The following RNF17 variants were observed in gnomAD, a reference collection of about 807,000 sequenced individuals.
RNF17 encodes the protein spermatogenesis associated 23.
Under a neutral mutation model 200.5 loss-of-function variants are expected in RNF17, and 31 were observed. The ratio of observed to expected loss-of-function variants is 0.15; its 90% CI spans 0.12 to 0.21. The LOEUF (loss-of-function observed/expected upper bound fraction) is 0.21, where lower values mean the gene tolerates loss of function less well. Among genes scored for constraint, RNF17 ranks in the 10% least tolerant of loss-of-function variants. The pLI is 1.00. For synonymous variants in RNF17, 606 were observed against 637.8 expected (o/e 0.95, Z 0.75); for missense variants, 1,628 against 1,905.1 (o/e 0.85, Z 2.71).
intron 16 of RNF17, 119 bp downstream of exon 16, chr13:24,825,891 A>C (rs775184920): frequency 7.1e-7 from 1 of 1,409,128 alleles, no homozygotes; most frequent in African/African-American, 1.4e-5. Flanking sequence ...TTGCTCTGCC[A>C]TCTGTCTTTA....
At chr13:24,759,579 T>C (rs767415693), upstream of RNF17, among the ~76,000 whole-genome samples, 2 of 152,232 alleles carry the variant, frequency 1.3e-5, no homozygotes, top group Admixed American at 6.5e-5. Context: ...TTGTCATCTC[T>C]AGAAATTTAA....
In RNF17 at chr13:24,799,453, A is replaced by G; in HGVS notation, c.1458A>G (p.Thr486=). 6.2e-7 allele frequency: 1 copy of G among 1,610,668 alleles called. No homozygotes were observed. The highest frequency in any genetic ancestry group is 8.5e-7 in the Non-Finnish European group (1 of 1,177,576). ...GAATGTGGTGTCGAGGAACTATCAC[A>G]GAATTAATTCCAATAGAGGGTAGAA... is the stretch of plus-strand genomic sequence containing the variant. The part of the protein sequence containing the change: ...KNGMWCRGTI[T]ELIPIEGRNT... The change falls in exon 12 of 36, where the codon ACA becomes ACG. Residue 486 remains threonine, a synonymous_variant. Transcript: ENST00000255324.
intron 2 of RNF17, among the ~76,000 whole-genome samples, chr13:24,774,326 C>G (rs574716157): frequency 6.6e-6 from 1 of 152,192 alleles, no homozygotes; most frequent in South Asian, 2.1e-4. Context: ...TCTCCTGCCT[C>G]AGCCTCCCTA....
chr13:24,765,838 C>T (rs759075556), intron 1 of RNF17, among the ~76,000 whole-genome samples: 1 of 151,904 alleles, frequency 6.6e-6, no homozygotes, highest in Non-Finnish European at 1.5e-5. Context: ...CAATATTATC[C>T]CTGGAAGTTA....
chr13:24,850,285 A>G, intron 22 of RNF17, 56 bp from the exon 23 acceptor site: 1 of 1,104,146 alleles, frequency 9.1e-7, no homozygotes, highest in South Asian at 1.3e-5. Flanking sequence ...TTTTTTGTAT[A>G]TTTCAATATT....
downstream of RNF17, chr13:24,882,778 G>A (rs186510850): frequency 4.1e-4 from 78 of 190,576 alleles, no homozygotes; most frequent in African/African-American, 1.8e-3. Context: ...ACAGAGACAC[G>A]TGTTTACTCC....
At chr13:24,862,375 T>C (rs1893186972) in intron 27 of RNF17, among the ~76,000 whole-genome samples, 1 of 152,200 alleles carries the variant, frequency 6.6e-6, no homozygotes, top group African/African-American at 2.4e-5. Flanking sequence ...TGAATACATA[T>C]TGTAGGCCTT....
chr13:24,764,283 C>T lies in RNF17; in HGVS notation c.80C>T (p.Ala27Val). 1 of 1,611,232 alleles carries T rather than the reference C, an allele frequency of 6.2e-7. No individual in the cohort carries two copies. The highest frequency in any genetic ancestry group is 1.1e-5 in the South Asian group (1 of 90,866). Residue 27 changes from alanine (A) to valine (V), a missense_variant, in exon 1 of 36, where the codon GCC becomes GTC. Physicochemically the swap from Ala to Val is moderately conservative, Grantham distance 64. Transcript: ENST00000255324. ...GGGAGGAAGAGTCAGCCCTGGGGTG[C>T]CGCTGAAATCCAGTGCACCAGGTGT... ...RMGRKSQPWG[A>V]AEIQCTRCGR...
chr13:24,855,855 A>G (rs913810001), intron 25 of RNF17, among the ~76,000 whole-genome samples: 9 of 152,100 alleles, frequency 5.9e-5, no homozygotes, highest in Admixed American at 3.3e-4. Context: ...TATGGCGTAA[A>G]CATCATTTCT....
chr13:24,755,038 A>G, the RNF17 span, among the ~76,000 whole-genome samples: 1 of 152,062 alleles, frequency 6.6e-6, no homozygotes, highest in Non-Finnish European at 1.5e-5. Flanking sequence ...TATATCACAT[A>G]TATTTTCCTA....
chr13:24,826,799 G>C (rs910632771), intron 16 of RNF17, among the ~76,000 whole-genome samples: 1 of 151,166 alleles, frequency 6.6e-6, no homozygotes, highest in African/African-American at 2.4e-5. Flanking sequence ...GGTGGCTCAC[G>C]CCTGTAATCC....
chr13:24,762,681 C>G (rs1878885990), upstream of RNF17, among the ~76,000 whole-genome samples: 1 of 152,166 alleles, frequency 6.6e-6, no homozygotes, highest in Non-Finnish European at 1.5e-5. Flanking sequence ...TACCCACACA[C>G]AGTGTAGAGA....
intron 6 of RNF17, among the ~76,000 whole-genome samples, chr13:24,787,023 T>G (rs1402664136): frequency 6.6e-6 from 1 of 152,172 alleles, no homozygotes; most frequent in African/African-American, 2.4e-5. Context: ...TTTTATTTTT[T>G]TCAGGCTTCA....
intron 15 of RNF17, among the ~76,000 whole-genome samples, chr13:24,814,279 C>T (rs9581185): frequency 0.18 from 26,733 of 152,088 alleles, 2,517 homozygotes; most frequent in South Asian, 0.32. Context: ...ATTGGAACTG[C>T]GTAGTTCAAA....
At chr13:24,766,589 T>A (rs1430451897) in intron 1 of RNF17, among the ~76,000 whole-genome samples, 1 of 152,244 alleles carries the variant, frequency 6.6e-6, no homozygotes, top group Non-Finnish European at 1.5e-5. Context: ...TTTTGGCCCT[T>A]CCTGACCTCT....
intron 16 of RNF17, chr13:24,826,196 C>T: frequency 4.9e-6 from 3 of 613,608 alleles, no homozygotes; most frequent in Non-Finnish European, 6.1e-6. Flanking sequence ...TGCTAGTTTT[C>T]TCGATATATT....
At chr13:24,804,189 A>AAGGG in intron 14 of RNF17, 99 bp from the exon 15 acceptor site, 1 of 1,085,090 alleles carries the variant, frequency 9.2e-7, no homozygotes, top group Non-Finnish European at 1.3e-6. Context: ...TTGAGCCCAG[A>AAGGG]AGGGTAGAGG....
chr13:24,766,351 C>T (rs567790461), intron 1 of RNF17, among the ~76,000 whole-genome samples: 133 of 152,268 alleles, frequency 8.7e-4, no homozygotes, highest in African/African-American at 3.0e-3. Flanking sequence ...TTAAAAATGA[C>T]AACCTTTTGA....
intron 1 of RNF17, among the ~76,000 whole-genome samples, chr13:24,764,900 T>G (rs1216656276): frequency 3.6e-4 from 19 of 52,704 alleles, no homozygotes; most frequent in African/African-American, 9.8e-4. Context: ...TGTGTGTGTG[T>G]GTGTGTGTGT....
Sources: allele counts gnomAD v4.1 joint callset (sites outside exome capture counted in the v4.1 genomes callset), GRCh38; gene constraint gnomAD v4.1.1; transcripts MANE v1.5; gene names NCBI Gene and HGNC (gene_info 2026-07-23, HGNC 2026-07-21).